Variants in TK2 observed in about 807,000 individuals in gnomAD.
TK2 encodes the protein thymidine kinase 2, also known as thymidine kinase 2, mitochondrial.
In TK2, 35 loss-of-function variants were observed where a neutral mutation model predicts 41.9. The ratio of observed to expected loss-of-function variants is 0.84; its 90% CI spans 0.64 to 1.11. The LOEUF (loss-of-function observed/expected upper bound fraction) is 1.11, where lower values mean the gene tolerates loss of function less well. Among genes scored for constraint, TK2 ranks in the 50% least tolerant of loss-of-function variants. The pLI is 0.00. For synonymous variants in TK2, 128 were observed against 129.1 expected (o/e 0.99, Z 0.06); for missense variants, 320 against 351.1 (o/e 0.91, Z 0.71).
At chr16:66,522,126 A>G (rs954801524) in intron 6 of TK2, among the ~76,000 whole-genome samples, 6 of 152,030 alleles carry the variant, frequency 3.9e-5, no homozygotes, top group African/African-American at 1.4e-4. Context: ...CCCCAAACCC[A>G]AATGCTCTCC....
In TK2 at chr16:66,531,677, T is replaced by C. The variant is rs369016939; in HGVS notation, c.286-208A>G. Reference sequence around the variant, plus strand: ...TAGGACAGTATGGTAACAGCTATAATAGGAGCCTATGGAAAGTCTCCGAGG... The same window carrying C: ...TAGGACAGTATGGTAACAGCTATAACAGGAGCCTATGGAAAGTCTCCGAGG... On this transcript the variant is annotated intron_variant, in intron 4 of 9. Coordinates refer to ENST00000544898, the MANE Select transcript of TK2 (RefSeq NM_004614.5). Among the ~76,000 whole-genome samples the C allele has an allele frequency of 1.6e-4, 25 of 152,210 alleles. No individual in the cohort carries two copies. The South Asian group carries it at 4.6e-3, about 28-fold the overall frequency.
At position 66,531,445 on chromosome 16, in the gene TK2, G is replaced by A. The variant is rs1194187379; in HGVS notation, c.310C>T (p.Arg104Cys). Reference sequence around the variant, plus strand: ...TAAGTCTGTAGCGTAAGACCCCAGCGAGAGGCATCGTGGTACATCAGGCCC... The same window carrying A: ...TAAGTCTGTAGCGTAAGACCCCAGCAAGAGGCATCGTGGTACATCAGGCCC... ...PLGLMYHDAS[R>C]WGLTLQTYVQ... is the part of the protein sequence containing the mutation. Residue 104 changes from arginine to cysteine, a missense_variant, in exon 5 of 10, where the codon CGC becomes TGC. By Grantham distance (180) the Arg-to-Cys change is radical (BLOSUM62 -3). Transcript: ENST00000544898. 14 of 1,614,160 alleles carry A rather than the reference G, an allele frequency of 8.7e-6. No homozygotes were observed. The highest frequency in any genetic ancestry group is 2.7e-5 in the African/African-American group (2 of 75,042).
intron 6 of TK2, among the ~76,000 whole-genome samples, chr16:66,527,482 C>T (rs1317280024): frequency 6.6e-6 from 1 of 152,148 alleles, no homozygotes; most frequent in East Asian, 1.9e-4. Context: ...AGCCACAGGT[C>T]CCCTCATCCA....
At chr16:66,516,406 G>A (rs963409612) in intron 8 of TK2, among the ~76,000 whole-genome samples, 14 of 152,216 alleles carry the variant, frequency 9.2e-5, no homozygotes, top group Admixed American at 9.2e-4. Context: ...AGGCAGTTGG[G>A]GCCGGGTCAT....
In TK2 at chr16:66,509,584, G is replaced by A. The variant is rs1484976129; in HGVS notation, c.*2384C>T. 2 of 152,260 alleles carry A rather than the reference G, an allele frequency of 1.3e-5. No individual in the cohort carries two copies. Among genetic ancestry groups the A allele is most frequent in the Non-Finnish European group, 2.9e-5 (2 of 68,050 alleles). The allele number at this position is 152,260 out of a possible 1,614,324, so 9.4% of individuals were successfully genotyped here. On this transcript the variant is annotated 3_prime_UTR_variant, in exon 10 of 10. Coordinates refer to ENST00000544898, the MANE Select transcript of TK2 (RefSeq NM_004614.5). ...GGTAGAGCAGCTGAGCAGCTCTGCG[G>A]TGTACTGACTTCATGTCCCCATGGA... is the stretch of plus-strand genomic sequence containing the variant.
rs564670749 is a variant in TK2 at position 66,518,578 on chromosome 16, C to T, written c.450-701G>A. Among the ~76,000 whole-genome samples the T allele has an allele frequency of 1.1e-4, 17 of 152,278 alleles. No homozygotes were observed. In the South Asian group the frequency reaches 1.2e-3, roughly 11 times the overall value. On this transcript the variant is annotated intron_variant, in intron 6 of 9. Coordinates refer to ENST00000544898, the MANE Select transcript of TK2 (RefSeq NM_004614.5). ...TTGTGAAAATAATCATGATGCTCAC[C>T]GCGGCACTGTTTAAACCAATAAAAA...
chr16:66,529,207 G>T, intron 5 of TK2, 140 bp from the exon 6 acceptor site: 2 of 813,462 alleles, frequency 2.5e-6, no homozygotes, highest in Non-Finnish European at 2.1e-6. Flanking sequence ...TGAAGCAGGA[G>T]GACCTCCTCA....
In TK2 at chr16:66,514,358, T is replaced by G. The variant is rs1964543527; in HGVS notation, c.619-547A>C. ...CTGGTCTCCAGCTCCTAACCGCGAGTGATCCGCCAGCCTCGGCCTCCCGAG... is the reference window on the plus strand; with the variant it reads ...CTGGTCTCCAGCTCCTAACCGCGAGGGATCCGCCAGCCTCGGCCTCCCGAG... On this transcript the variant is annotated intron_variant, in intron 8 of 9. Transcript: ENST00000544898. The surrounding 1 kb of genome is among the most constrained non-coding windows in gnomAD (Gnocchi z 4.2). Among the ~76,000 whole-genome samples, 1 of 152,176 alleles carries G rather than the reference T, an allele frequency of 6.6e-6. No homozygotes were observed.
At chr16:66,540,173 C>CTTTTTTTTTTTTTTTTTT (rs200305417) in intron 3 of TK2, among the ~76,000 whole-genome samples, 24 of 130,782 alleles carry the variant, frequency 1.8e-4, no homozygotes, top group South Asian at 5.0e-4. Flanking sequence ...TTTCTTTTTT[C>CTTTTTTTTTTTTTTTTTT]TTTTTTTTTT....
intron 2 of TK2, 44 bp from the exon 3 acceptor site, chr16:66,541,997 C>T: frequency 6.2e-7 from 1 of 1,600,032 alleles, no homozygotes; most frequent in Non-Finnish European, 8.6e-7. Context: ...CTCAAGCACC[C>T]AGGGGAATGT....
At position 66,535,751 on chromosome 16, in the gene TK2, T is replaced by C. The variant is rs1439381550; in HGVS notation, c.285+1213A>G. Among the ~76,000 whole-genome samples the C allele has an allele frequency of 2.0e-5, 3 of 152,122 alleles. No homozygotes were observed. In the East Asian group the frequency reaches 5.8e-4, roughly 29 times the overall value. On this transcript the variant is annotated intron_variant, in intron 4 of 9. Transcript: ENST00000544898. ...CCACATGGCTGACATGCACTGAATATTGGTTGAATGAATGGATGAATGCAC... is the reference window on the plus strand; with the variant it reads ...CCACATGGCTGACATGCACTGAATACTGGTTGAATGAATGGATGAATGCAC...
intron 5 of TK2, 23 bp from the exon 6 acceptor site, chr16:66,529,090 T>C (rs760072270): frequency 8.7e-6 from 14 of 1,611,212 alleles, no homozygotes; most frequent in East Asian, 6.7e-5. Context: ...AAAAAGAGAA[T>C]CACTAACTCA....
rs1362392332 is a variant in TK2, at chr16:66,514,998, A to T, written c.619-1187T>A. ...TCATTAAGAGTCATCACCATTCCCT[A>T]ATCTCAAGTACCCAGGGACACAAAC... On this transcript the variant is annotated intron_variant, in intron 8 of 9. Transcript: ENST00000544898. The surrounding 1 kb of genome is among the most constrained non-coding windows in gnomAD (Gnocchi z 4.2). Among the ~76,000 whole-genome samples the T allele has an allele frequency of 6.6e-6, 1 of 152,056 alleles. No homozygotes were observed. The highest frequency in any genetic ancestry group is 1.5e-5 in the Non-Finnish European group (1 of 68,020).
chr16:66,527,817 C>T (rs1245824481), intron 6 of TK2, among the ~76,000 whole-genome samples: 1 of 152,108 alleles, frequency 6.6e-6, no homozygotes, highest in East Asian at 1.9e-4. Context: ...ATCACTTGAG[C>T]CCAGGAGTTC....
At chr16:66,539,602 G>GAAAAAAAAAAAAAAAAAAAAAAAAA in intron 3 of TK2, among the ~76,000 whole-genome samples, 1 of 49,280 alleles carries the variant, frequency 2.0e-5, no homozygotes, top group Admixed American at 1.8e-4. Context: ...CTCCATCTCA[G>GAAAAAAAAAAAAAAAAAAAAAAAAA]AAAAAAAAAA....
At chr16:66,524,570 T>C (rs1356592631) in intron 6 of TK2, among the ~76,000 whole-genome samples, 1 of 152,158 alleles carries the variant, frequency 6.6e-6, no homozygotes, top group Non-Finnish European at 1.5e-5. Context: ...ACTCCTGGCT[T>C]CAAGTGATCC....
chr16:66,544,149 C>A (rs910165383), intron 2 of TK2, among the ~76,000 whole-genome samples: 1 of 152,256 alleles, frequency 6.6e-6, no homozygotes, highest in Admixed American at 6.5e-5. Context: ...TCCTGAAGAG[C>A]TGGTGAATGT....
intron 4 of TK2, among the ~76,000 whole-genome samples, chr16:66,532,535 G>A (rs1225254256): frequency 6.6e-6 from 1 of 151,730 alleles, no homozygotes; most frequent in Non-Finnish European, 1.5e-5. Flanking sequence ...AACCCAGGAG[G>A]CAGAGGCTGC....
At chr16:66,528,761 G>A (rs1390750383) in intron 6 of TK2, among the ~76,000 whole-genome samples, 2 of 152,152 alleles carry the variant, frequency 1.3e-5, no homozygotes, top group African/African-American at 4.8e-5. Flanking sequence ...ATCTCATTGA[G>A]CCTAGCCAAG....
Sources: gnomAD v4.1 joint callset for allele counts (sites outside exome capture counted in the v4.1 genomes callset) on GRCh38, gnomAD v4.1.1 for gene constraint, Gnocchi (gnomAD v3.1) non-coding constraint, MANE v1.5 for transcripts, NCBI Gene and HGNC (gene_info 2026-07-23, HGNC 2026-07-21) for gene names.